The following EPC1 variants were observed in gnomAD, a reference collection of about 807,000 sequenced individuals.
EPC1 encodes enhancer of polycomb homolog 1.
Under a neutral mutation model 98.4 loss-of-function variants are expected in EPC1, and 12 were observed. The ratio of observed to expected loss-of-function variants is 0.12; its 90% CI spans 0.08 to 0.20. The LOEUF (loss-of-function observed/expected upper bound fraction) is 0.20, where lower values mean the gene tolerates loss of function less well. Ranked by LOEUF, EPC1 falls within the 10% of genes least tolerant of loss-of-function variation. The probability of loss-of-function intolerance (pLI) is 1.00; values close to 1 mark genes in which losing one functional copy is unlikely to be tolerated. For synonymous variants in EPC1, 357 were observed against 363.9 expected (o/e 0.98, Z 0.21); for missense variants, 729 against 990.5 (o/e 0.74, Z 3.54).
Position 32,347,081 on chromosome 10 carries a change from C to T in EPC1, c.-166G>A. The T allele has an allele frequency of 6.9e-7, 1 of 1,446,034 alleles. No homozygotes were observed. Among genetic ancestry groups the T allele is most frequent in the South Asian group, 1.4e-5 (1 of 69,490 alleles). 89.6% of individuals were successfully genotyped at this position (1,446,034 alleles called of 1,614,324 possible). On this transcript the variant is annotated 5_prime_UTR_variant, in exon 1 of 14. Coordinates refer to ENST00000319778, the MANE Select transcript of EPC1 (RefSeq NM_001272004.3). ...TAACACCAGCCGGGAGGGTGGGAGG[C>T]TGTGCCGCTCCGCTCCTCTCTCGCT...
chr10:32,335,466 C>A (rs957074826), intron 1 of EPC1, among the ~76,000 whole-genome samples: 2 of 123,932 alleles, frequency 1.6e-5, no homozygotes, highest in African/African-American at 5.6e-5. Flanking sequence ...AAACAATACT[C>A]CCCATCGCCC....
chr10:32,308,109 G>A (rs1278901698), intron 1 of EPC1, among the ~76,000 whole-genome samples: 1 of 152,208 alleles, frequency 6.6e-6, no homozygotes, highest in Non-Finnish European at 1.5e-5. Flanking sequence ...AATGTCGGCT[G>A]GACGTGGTGG....
chr10:32,270,107 CTT>C (rs1002740204), intron 13 of EPC1, among the ~76,000 whole-genome samples: 27 of 152,308 alleles, frequency 1.8e-4, no homozygotes, highest in African/African-American at 2.2e-4. Context: ...GCCAGAAATG[CTT>C]TTTCTTTCTC....
chr10:32,307,264 G>C (rs1835930126), intron 1 of EPC1, among the ~76,000 whole-genome samples: 7 of 152,146 alleles, frequency 4.6e-5, no homozygotes, highest in Admixed American at 3.9e-4. Context: ...GTGCTACAAA[G>C]AACCACTCAT....
intron 2 of EPC1, among the ~76,000 whole-genome samples, chr10:32,294,694 C>T (rs980810754): frequency 6.6e-6 from 1 of 152,108 alleles, no homozygotes; most frequent in African/African-American, 2.4e-5. Context: ...AATTACTTAC[C>T]AAAATTAAGC....
intron 6 of EPC1, among the ~76,000 whole-genome samples, chr10:32,287,907 G>T (rs1162654207): frequency 6.6e-6 from 1 of 152,094 alleles, no homozygotes; most frequent in Admixed American, 6.6e-5. Context: ...AAAATATACA[G>T]GCAACAGTAA....
At chr10:32,294,116 T>C (rs940718696) in intron 2 of EPC1, among the ~76,000 whole-genome samples, 3 of 152,322 alleles carry the variant, frequency 2.0e-5, no homozygotes, top group East Asian at 3.9e-4. Context: ...TTTTATAATA[T>C]AAAAGGAGAA....
At chr10:32,360,725 C>A (rs1237454510) in intron 1 of EPC1, among the ~76,000 whole-genome samples, 1 of 152,104 alleles carries the variant, frequency 6.6e-6, no homozygotes, top group African/African-American at 2.4e-5. Context: ...GAAACCCCGT[C>A]TCTACTAAAA....
At chr10:32,350,510 A>G (rs138932982), upstream of EPC1, among the ~76,000 whole-genome samples, 1 of 152,342 alleles carries the variant, frequency 6.6e-6, no homozygotes, top group East Asian at 1.9e-4. Context: ...ACGCAACTGT[A>G]TGAACAAAAG....
intron 1 of EPC1, among the ~76,000 whole-genome samples, chr10:32,338,410 T>C (rs1341486571): frequency 6.6e-6 from 1 of 152,208 alleles, no homozygotes; most frequent in African/African-American, 2.4e-5. Flanking sequence ...CTCCACATGG[T>C]AGCCAGAATA....
At chr10:32,303,767 A>AAC (rs1032669446) in intron 2 of EPC1, among the ~76,000 whole-genome samples, 1 of 152,102 alleles carries the variant, frequency 6.6e-6, no homozygotes, top group Non-Finnish European at 1.5e-5. Flanking sequence ...CACAACTACA[A>AAC]ACACACACAC....
chr10:32,291,314 A>G lies in EPC1; in HGVS notation c.824T>C (p.Leu275Ser). 2 of 1,606,288 alleles carry G rather than the reference A, an allele frequency of 1.2e-6. No homozygotes were observed. The highest frequency in any genetic ancestry group is 2.2e-5 in the South Asian group (2 of 89,112). Reference sequence around the variant, plus strand: ...CATGATCTCTCCATTGTAGTCGCCCAAATTATACCTAAAATTATACAAATG... The same window carrying G: ...CATGATCTCTCCATTGTAGTCGCCCGAATTATACCTAAAATTATACAAATG... Reference protein sequence around the residue: ...TLEIMEKRYNLGDYNGEIMSE... With the variant: ...TLEIMEKRYNSGDYNGEIMSE... Residue 275 changes from leucine to serine, a missense_variant, in exon 6 of 14, where the codon TTG becomes TCG. Around this residue, in one of 6 missense-constraint regions of EPC1, gnomAD observed 390 missense variants for 438.6 expected, o/e 0.89. Transcript: ENST00000319778.
At chr10:32,340,315 G>C (rs1838257391) in intron 1 of EPC1, among the ~76,000 whole-genome samples, 1 of 152,162 alleles carries the variant, frequency 6.6e-6, no homozygotes, top group Non-Finnish European at 1.5e-5. Context: ...AATAAGTACA[G>C]CAAGTTTGCT....
At chr10:32,302,547 G>A (rs1835621116) in intron 2 of EPC1, among the ~76,000 whole-genome samples, 1 of 151,220 alleles carries the variant, frequency 6.6e-6, no homozygotes, top group Non-Finnish European at 1.5e-5. Context: ...CTACTCGGGA[G>A]GCTGAAGCAG....
intron 1 of EPC1, among the ~76,000 whole-genome samples, chr10:32,352,387 C>T (rs1839140903): frequency 6.6e-6 from 1 of 152,024 alleles, no homozygotes; most frequent in African/African-American, 2.4e-5. Context: ...CCCTGTCCTG[C>T]CTCAGACTGT....
intron 10 of EPC1, among the ~76,000 whole-genome samples, chr10:32,278,570 A>G (rs1294611202): frequency 1.3e-5 from 2 of 150,998 alleles, no homozygotes; most frequent in Non-Finnish European, 2.9e-5. Context: ...TTTAGTAGAG[A>G]CGGGGTTTCA....
chr10:32,287,943 C>T (rs1836778752), intron 6 of EPC1, among the ~76,000 whole-genome samples: 1 of 151,984 alleles, frequency 6.6e-6, no homozygotes, highest in Non-Finnish European at 1.5e-5. Flanking sequence ...ACAGCATGTT[C>T]GAAACATGTA....
chr10:32,372,308 C>A (rs1839771806), intron 1 of EPC1, among the ~76,000 whole-genome samples: 1 of 152,182 alleles, frequency 6.6e-6, no homozygotes, highest in South Asian at 2.1e-4. Context: ...TAGAGTACAA[C>A]AAAACCCCGC....
upstream of EPC1, chr10:32,347,553 C>A (rs1371496785): frequency 2.0e-5 from 3 of 152,078 alleles, no homozygotes; most frequent in East Asian, 5.8e-4. Context: ...GGCTCGGGCC[C>A]CGGGCACCTG....
Sources: gnomAD v4.1 joint callset for allele counts (sites outside exome capture counted in the v4.1 genomes callset) on GRCh38, gnomAD v4.1.1 for gene constraint, gnomAD v4.1.1 regional missense constraint, MANE v1.5 for transcripts, NCBI Gene and HGNC (gene_info 2026-07-23, HGNC 2026-07-21) for gene names.